The following MTAP variants were observed in gnomAD, a reference collection of about 807,000 sequenced individuals.
MTAP encodes the protein S-methyl-5'-thioadenosine phosphorylase.
MTAP carries 33 observed loss-of-function variants against 33.6 expected under a neutral mutation model. The ratio of observed to expected loss-of-function variants is 0.98; its 90% CI spans 0.74 to 1.31. The LOEUF (loss-of-function observed/expected upper bound fraction) is 1.31. Among genes scored for constraint, MTAP ranks in the 40% most tolerant of loss-of-function variants. The pLI is 0.00. For missense variants in MTAP, 367 were observed against 360.0 expected (o/e 1.02, Z -0.16); for synonymous variants, 148 against 125.7 (o/e 1.18, Z -1.19).
At chr9:21,870,380 AT>A (rs1825919035), downstream of MTAP, among the ~76,000 whole-genome samples, 1 of 152,256 alleles carries the variant, frequency 6.6e-6, no homozygotes, top group African/African-American at 2.4e-5. Flanking sequence ...TCATTTACTG[AT>A]ATCCTAAATG....
chr9:21,903,095 G>A (rs1818418319), intron 1 of MTAP, among the ~76,000 whole-genome samples: 1 of 152,180 alleles, frequency 6.6e-6, no homozygotes, highest in Non-Finnish European at 1.5e-5. Flanking sequence ...TACAAATGAG[G>A]AAGGAGGATT....
At chr9:21,845,978 G>C (rs1427327656) in intron 5 of MTAP, among the ~76,000 whole-genome samples, 1 of 152,182 alleles carries the variant, frequency 6.6e-6, no homozygotes, top group Non-Finnish European at 1.5e-5. Flanking sequence ...ACAGCCAACT[G>C]ATCTTTGAAA....
chr9:21,824,468 G>A (rs938622685), intron 4 of MTAP, among the ~76,000 whole-genome samples: 1 of 152,168 alleles, frequency 6.6e-6, no homozygotes, highest in Non-Finnish European at 1.5e-5. Context: ...TGGAAGCTTC[G>A]TCTCAGAGGG....
At chr9:21,929,395 G>T (rs1178863758) in intron 1 of MTAP, 1 of 160,926 alleles carries the variant, frequency 6.2e-6, no homozygotes, top group Admixed American at 6.2e-5. Context: ...ACCACCAGGA[G>T]TTCCAGTGGC....
downstream of MTAP, chr9:21,935,516 A>G (rs1819028509): frequency 6.6e-6 from 1 of 152,056 alleles, no homozygotes. Flanking sequence ...AGGAGCATGA[A>G]CATAATGGGT....
intron 5 of MTAP, among the ~76,000 whole-genome samples, chr9:21,843,813 A>G (rs1401809550): frequency 6.6e-6 from 1 of 152,194 alleles, no homozygotes; most frequent in African/African-American, 2.4e-5. Flanking sequence ...GGACAAATCA[A>G]CAATCTAAGG....
At chr9:21,811,127 G>C (rs1824334933) in intron 1 of MTAP, among the ~76,000 whole-genome samples, 1 of 152,234 alleles carries the variant, frequency 6.6e-6, no homozygotes, top group Non-Finnish European at 1.5e-5. Flanking sequence ...GAGGCACTCA[G>C]AGGCAGCCCA....
intron 1 of MTAP, 140 bp downstream of exon 1, chr9:21,802,921 C>G (rs1824091298): frequency 6.9e-7 from 1 of 1,441,530 alleles, no homozygotes; most frequent in South Asian, 1.5e-5. Context: ...GGGCGCGGCA[C>G]TCGGGACTCA....
At chr9:21,933,963 G>A (rs1052727751), downstream of MTAP, 1 of 152,182 alleles carries the variant, frequency 6.6e-6, no homozygotes, top group Admixed American at 6.5e-5. Context: ...AGTTGATATT[G>A]TTAAAAGAAG....
chr9:21,818,243 T>A (rs1824533285), intron 4 of MTAP, 41 bp downstream of exon 4: 1 of 1,594,696 alleles, frequency 6.3e-7, no homozygotes, highest in Non-Finnish European at 8.6e-7. Flanking sequence ...TTGTAGCTGG[T>A]CATTTTCAGC....
intron 1 of MTAP, among the ~76,000 whole-genome samples, chr9:21,909,162 G>C (rs1818523119): frequency 6.6e-6 from 1 of 151,980 alleles, no homozygotes; most frequent in Non-Finnish European, 1.5e-5. Context: ...GAGTAGGTCT[G>C]CTAGTGACAA....
At chr9:21,926,938 T>G (rs1389633433) in intron 1 of MTAP, among the ~76,000 whole-genome samples, 1 of 152,132 alleles carries the variant, frequency 6.6e-6, no homozygotes, top group African/African-American at 2.4e-5. Context: ...TAAAAGCAAC[T>G]TTGGGCTTTT....
chr9:21,863,333 C>A lies in MTAP; in HGVS notation c.*1319C>A. ...ATAGAAATGCTTTTTGTTGGCCGGG[C>A]ACAGTTGCTCATCCATGTAATCCCA... On this transcript the variant is annotated 3_prime_UTR_variant, in exon 8 of 8. Coordinates refer to ENST00000644715, the MANE Select transcript of MTAP (RefSeq NM_002451.4). 1 of 981,394 alleles carries A rather than the reference C, an allele frequency of 1.0e-6. No homozygotes were observed. The allele number at this position is 981,394 out of a possible 1,614,324, so 60.8% of individuals were successfully genotyped here.
chr9:21,865,126 T>C lies in MTAP; in HGVS notation c.*3112T>C. On this transcript the variant is annotated 3_prime_UTR_variant, in exon 8 of 8. Transcript: ENST00000644715. ...ATCTCATGTTGAATTGTAGTTCCCA[T>C]AATCCCCACATGTTGTGGGAGGGAC... is the stretch of plus-strand genomic sequence containing the variant. 1.0e-6 allele frequency: 1 copy of C among 977,292 alleles called. No homozygotes were observed. Among genetic ancestry groups the C allele is most frequent in the Non-Finnish European group, 1.2e-6 (1 of 822,530 alleles). 60.5% of individuals were successfully genotyped at this position (977,292 alleles called of 1,614,324 possible).
chr9:21,864,930 C>T lies in MTAP; in HGVS notation c.*2916C>T. The T allele has an allele frequency of 1.0e-6, 1 of 985,406 alleles. No individual in the cohort carries two copies. The highest frequency in any genetic ancestry group is 1.2e-6 in the Non-Finnish European group (1 of 829,934). 61.0% of individuals were successfully genotyped at this position (985,406 alleles called of 1,614,324 possible). On this transcript the variant is annotated 3_prime_UTR_variant, in exon 8 of 8. Coordinates refer to ENST00000644715, the MANE Select transcript of MTAP (RefSeq NM_002451.4). ...TAATTATTCATTCTTGTGACAGTGG[C>T]CTGAACATGTTTTTAATTTTCTCAA...
intron 1 of MTAP, among the ~76,000 whole-genome samples, chr9:21,881,233 C>A (rs185811243): frequency 2.6e-5 from 4 of 151,996 alleles, no homozygotes; most frequent in East Asian, 1.9e-4. Context: ...TGGACTCTTA[C>A]CACCATACAC....
intron 1 of MTAP, among the ~76,000 whole-genome samples, chr9:21,896,449 C>T (rs1818294215): frequency 6.6e-6 from 1 of 152,024 alleles, no homozygotes. Context: ...AATCCAGGAG[C>T]TGGTTTTTTG....
chr9:21,815,513 T>C lies in MTAP; in HGVS notation c.114T>C (p.Phe38=). Residue 38 remains phenylalanine (F), a synonymous_variant, in exon 2 of 8, where the codon TTT becomes TTC. Transcript: ENST00000644715. ...GRTEKYVDTP[F]GKPSDALILG... is the part of the protein sequence containing the mutation. The stretch of plus-strand genomic sequence containing the variant: ...CTGAAAAATATGTGGATACTCCATT[T>C]GGCAAGGTTAATATCCAACTTGTGG... 2 of 1,608,008 alleles carry C rather than the reference T, an allele frequency of 1.2e-6. No homozygotes were observed. The highest frequency in any genetic ancestry group is 1.7e-6 in the Non-Finnish European group (2 of 1,175,352).
At chr9:21,836,121 G>C (rs971995444) in intron 4 of MTAP, among the ~76,000 whole-genome samples, 2 of 152,000 alleles carry the variant, frequency 1.3e-5, no homozygotes, top group African/African-American at 2.4e-5. Flanking sequence ...GAGTTATCTG[G>C]GCATCTTGGT....
Sources: allele counts gnomAD v4.1 joint callset (sites outside exome capture counted in the v4.1 genomes callset), GRCh38; gene constraint gnomAD v4.1.1; transcripts MANE v1.5; gene names NCBI Gene and HGNC (gene_info 2026-07-23, HGNC 2026-07-21).